The following MAZ variants were observed in gnomAD, a reference collection of about 807,000 sequenced individuals.
The protein encoded by MAZ is MYC associated zinc finger protein, also known as myc-associated zinc finger protein.
Under a neutral mutation model 32.7 loss-of-function variants are expected in MAZ, and 4 were observed. That is an observed-to-expected ratio of 0.12 (90% CI 0.06 to 0.28). MAZ has a LOEUF of 0.28. Ranked by LOEUF, MAZ falls within the 10% of genes least tolerant of loss-of-function variation. The pLI, the probability that MAZ is intolerant of heterozygous loss-of-function variation, is 1.00. For synonymous variants in MAZ, 510 were observed against 297.6 expected, an observed-to-expected ratio of 1.71 and a Z score of -7.35; for missense variants, 763 against 667.2, an observed-to-expected ratio of 1.14 and a Z score of -1.58.
chr16:29,809,364 C>T (rs1899770467), intron 4 of MAZ: 4 of 595,498 alleles, frequency 6.7e-6, no homozygotes, highest in South Asian at 2.0e-5. Flanking sequence ...GCCCCAGGCT[C>T]AGGGAGGGGC....
Position 29,811,090 on chromosome 16 carries a change from C to T in MAZ, c.*859C>T, listed in dbSNP as rs536165720. 12 of 454,180 alleles carry T rather than the reference C, an allele frequency of 2.6e-5. No individual in the cohort carries two copies. The highest frequency in any genetic ancestry group is 1.2e-4 in the Admixed American group (5 of 42,464). 28.1% of individuals were successfully genotyped at this position (454,180 alleles called of 1,614,324 possible). A position where few individuals can be genotyped will look rare whatever the true frequency, so the allele number is the denominator to read the frequency against. On this transcript the variant is annotated 3_prime_UTR_variant, in exon 5 of 5. Transcript: ENST00000322945. The stretch of plus-strand genomic sequence containing the variant: ...TGGCCATGTCATCGTGTTCCTGTGT[C>T]CCCTGCATGTACCCCACCCTCCACC...
At position 29,808,617 on chromosome 16, in the gene MAZ, A is replaced by G. The variant is rs1899699892; in HGVS notation, c.1155A>G (p.Thr385=). The G allele has an allele frequency of 6.2e-7, 1 of 1,612,942 alleles. No homozygotes were observed. Among genetic ancestry groups the G allele is most frequent in the Non-Finnish European group, 8.5e-7 (1 of 1,179,842 alleles). ...CGAAGGATCGGCTGCGGGCGCACAC[A>G]GTACGACACGAGGAGAAAGTGCCAT... ...FATKDRLRAH[T]VRHEEKVPCH... is the part of the protein sequence containing the mutation. The change falls in exon 4 of 5, where the codon ACA becomes ACG. Residue 385 remains threonine, a synonymous_variant. Coordinates refer to ENST00000322945, the MANE Select transcript of MAZ (RefSeq NM_002383.4).
chr16:29,810,540 A>G lies in MAZ; in HGVS notation c.*309A>G, dbSNP rs867586858. 4.3e-5 allele frequency: 30 copies of G among 700,860 alleles called. No individual in the cohort carries two copies. In the African/African-American group the frequency reaches 4.4e-4, roughly 10 times the overall value. The allele number at this position is 700,860 out of a possible 1,614,324, so 43.4% of individuals were successfully genotyped here. A position where few individuals can be genotyped will look rare whatever the true frequency, so the allele number is the denominator to read the frequency against. ...GCCCGTACCCCCTCTCCTCTCTGTA[A>G]GCCCATGCCCTGTCTTCCCAGGGAC... On this transcript the variant is annotated 3_prime_UTR_variant, in exon 5 of 5. Coordinates refer to ENST00000322945, the MANE Select transcript of MAZ (RefSeq NM_002383.4).
rs1206888470 is a variant in MAZ at position 29,810,294 on chromosome 16, T to C, written c.*63T>C. 2.0e-6 allele frequency: 3 copies of C among 1,480,188 alleles called. No individual in the cohort carries two copies. Among genetic ancestry groups the C allele is most frequent in the Non-Finnish European group, 2.8e-6 (3 of 1,085,192 alleles). 91.7% of individuals were successfully genotyped at this position (1,480,188 alleles called of 1,614,324 possible). A position where few individuals can be genotyped will look rare whatever the true frequency, so the allele number is the denominator to read the frequency against. ...TAGAGTCCCTTGGTACAAGCTCCTCTCCCCCCTCTTTTCCCACCAACTCCT... is the reference window on the plus strand; with the variant it reads ...TAGAGTCCCTTGGTACAAGCTCCTCCCCCCCCTCTTTTCCCACCAACTCCT... On this transcript the variant is annotated 3_prime_UTR_variant, in exon 5 of 5. Transcript: ENST00000322945.
In MAZ at chr16:29,806,804, C is replaced by A; in HGVS notation, c.103C>A (p.Gln35Lys). The A allele has an allele frequency of 7.0e-7, 1 of 1,438,648 alleles. No homozygotes were observed. Among genetic ancestry groups the A allele is most frequent in the Non-Finnish European group, 9.2e-7 (1 of 1,089,466 alleles). 89.1% of individuals were successfully genotyped at this position (1,438,648 alleles called of 1,614,324 possible). A position where few individuals can be genotyped will look rare whatever the true frequency, so the allele number is the denominator to read the frequency against. ...CCTCATGAACTCCTTCCCGCCACCT[C>A]AGGGTCACGCCCAGAACCCCCTGCA... ...GGLMNSFPPPQGHAQNPLQVG... is the reference protein window; with the variant it reads ...GGLMNSFPPPKGHAQNPLQVG... Residue 35 changes from glutamine to lysine, a missense_variant, in exon 1 of 5, where the codon CAG becomes AAG. By Grantham distance (53) the Gln-to-Lys change is moderately conservative (BLOSUM62 1). Coordinates refer to ENST00000322945, the MANE Select transcript of MAZ (RefSeq NM_002383.4).
chr16:29,808,658 A>G lies in MAZ; in HGVS notation c.1196A>G (p.Lys399Arg). The G allele has an allele frequency of 6.2e-7, 1 of 1,613,998 alleles. No individual in the cohort carries two copies. Among genetic ancestry groups the G allele is most frequent in the Non-Finnish European group, 8.5e-7 (1 of 1,180,008 alleles). ...AAAGTGCCATGTCACGTGTGTGGCA[A>G]GATGCTGAGCTCGGCTTATATTTCG... ...EEKVPCHVCGKMLSSAYISDH... is the reference protein window; with the variant it reads ...EEKVPCHVCGRMLSSAYISDH... Residue 399 changes from lysine to arginine, a missense_variant, in exon 4 of 5, where the codon AAG (lysine) becomes AGG (arginine). Transcript: ENST00000322945.
intron 4 of MAZ, chr16:29,809,464 C>T (rs926772053): frequency 8.6e-6 from 8 of 926,300 alleles, no homozygotes; most frequent in Admixed American, 2.1e-5. Flanking sequence ...GGGCATCCCC[C>T]GCCTAGGAGA....
chr16:29,809,035 G>A (rs1899741603), intron 4 of MAZ: 3 of 544,270 alleles, frequency 5.5e-6, no homozygotes, highest in Non-Finnish European at 6.4e-6. Context: ...GCCAGTTCCA[G>A]GGGTCACAAG....
rs962421983 is a variant in MAZ, at chr16:29,810,989, C to G, written c.*758C>G. On this transcript the variant is annotated 3_prime_UTR_variant, in exon 5 of 5. Coordinates refer to ENST00000322945, the MANE Select transcript of MAZ (RefSeq NM_002383.4). ...GGGGGAATGCAGCCAGTGTCCCCCT[C>G]CCCTCTTCCACCCCAGCTCCAGCCC... is the stretch of plus-strand genomic sequence containing the variant. The G allele has an allele frequency of 6.8e-6, 3 of 443,200 alleles. No homozygotes were observed. Among genetic ancestry groups the G allele is most frequent in the Non-Finnish European group, 1.4e-5 (3 of 220,252 alleles). The allele number at this position is 443,200 out of a possible 1,614,324, so 27.5% of individuals were successfully genotyped here. A position where few individuals can be genotyped will look rare whatever the true frequency, so the allele number is the denominator to read the frequency against.
Position 29,807,253 on chromosome 16 carries a change from C to CGCCGCG in MAZ, c.471_476dup (p.Ala160_Ala161dup). On this transcript the variant is annotated inframe_insertion, in exon 2 of 5. Coordinates refer to ENST00000322945, the MANE Select transcript of MAZ (RefSeq NM_002383.4). ...CGCCCCCCGCCTCCGCCGCCACTAT[C>CGCCGCG]GCCGCGGCGGCGGCCACCGCCGTCG... The CGCCGCG allele has an allele frequency of 7.0e-7, 1 of 1,432,184 alleles. No individual in the cohort carries two copies. Among genetic ancestry groups the CGCCGCG allele is most frequent in the Non-Finnish European group, 9.2e-7 (1 of 1,086,924 alleles). 88.7% of individuals were successfully genotyped at this position (1,432,184 alleles called of 1,614,324 possible).
At chr16:29,806,919 C>A (rs772133943) in intron 1 of MAZ, 26 bp downstream of exon 1, 3 of 1,248,580 alleles carry the variant, frequency 2.4e-6, no homozygotes, top group Admixed American at 4.2e-5. Context: ...CGCGGCGGCC[C>A]GGGCTGGGGG....
chr16:29,809,403 G>A (rs1001688054), intron 4 of MAZ: 1 of 651,704 alleles, frequency 1.5e-6, no homozygotes, highest in Non-Finnish European at 2.8e-6. Context: ...CAGAGCAGTT[G>A]GCCCCAGGCT....
Position 29,809,837 on chromosome 16 carries a change from G to A in MAZ, c.1280-240G>A, listed in dbSNP as rs937607663. On this transcript the variant is annotated intron_variant, in intron 4 of 4. Transcript: ENST00000322945. The stretch of plus-strand genomic sequence containing the variant: ...CAACGGGGCTCAAAGGGCCCAATAG[G>A]GGATCTCAGGAAGGCGAGGGATGCC... The A allele has an allele frequency of 5.2e-6, 5 of 968,666 alleles. No homozygotes were observed. In the African/African-American group the frequency reaches 8.2e-5, roughly 16 times the overall value. 60.0% of individuals were successfully genotyped at this position (968,666 alleles called of 1,614,324 possible). A position where few individuals can be genotyped will look rare whatever the true frequency, so the allele number is the denominator to read the frequency against.
In MAZ at chr16:29,808,582, G is replaced by C. The variant is rs940681918; in HGVS notation, c.1120G>C (p.Ala374Pro). 6.2e-7 allele frequency: 1 copy of C among 1,610,558 alleles called. No individual in the cohort carries two copies. Among genetic ancestry groups the C allele is most frequent in the African/African-American group, 1.3e-5 (1 of 74,074 alleles). Residue 374 changes from alanine (A) to proline (P), a missense_variant, in exon 4 of 5, where the codon GCT (alanine) becomes CCT (proline). By Grantham distance (27) the Ala-to-Pro change is conservative. Transcript: ENST00000322945. Reference protein sequence around the residue: ...RPFKCEKCEAAFATKDRLRAH... With the variant: ...RPFKCEKCEAPFATKDRLRAH... Reference sequence around the variant, plus strand: ...CCCCCCTCCTCAGAAATGTGAGGCAGCTTTCGCCACGAAGGATCGGCTGCG... The same window carrying C: ...CCCCCCTCCTCAGAAATGTGAGGCACCTTTCGCCACGAAGGATCGGCTGCG...
Position 29,807,334 on chromosome 16 carries a change from G to A in MAZ, c.549G>A (p.Lys183=), listed in dbSNP as rs761514289. The change falls in exon 2 of 5, where the codon AAG becomes AAA. Residue 183 remains lysine (K), a synonymous_variant. Coordinates refer to ENST00000322945, the MANE Select transcript of MAZ (RefSeq NM_002383.4). ...CGGTCGCGTCTGCCTTGGAGAAGAA[G>A]ACAAAGAGCAAGGGGCCCTACATCT... is the stretch of plus-strand genomic sequence containing the variant. ...VAPVASALEK[K]TKSKGPYICA... 1.6e-5 allele frequency: 26 copies of A among 1,610,640 alleles called. No homozygotes were observed. Among genetic ancestry groups the A allele is most frequent in the Non-Finnish European group, 2.0e-5 (24 of 1,179,080 alleles).
At position 29,808,038 on chromosome 16, in the gene MAZ, T is replaced by G. The variant is rs1899637357; in HGVS notation, c.1044-192T>G. The G allele has an allele frequency of 1.4e-5, 15 of 1,077,124 alleles. No homozygotes were observed. The East Asian group carries it at 3.9e-4, about 28-fold the overall frequency. 66.7% of individuals were successfully genotyped at this position (1,077,124 alleles called of 1,614,324 possible). ...GGTGGGCCTTGGGGTTGACGGAAGCTTCGCGTGGGAGGAGGCGGCGGCGGC... is the reference window on the plus strand; with the variant it reads ...GGTGGGCCTTGGGGTTGACGGAAGCGTCGCGTGGGAGGAGGCGGCGGCGGC... On this transcript the variant is annotated intron_variant, in intron 2 of 4. Transcript: ENST00000322945.
chr16:29,807,608 A>G lies in MAZ; in HGVS notation c.823A>G (p.Ile275Val). 2 of 1,612,364 alleles carry G rather than the reference A, an allele frequency of 1.2e-6. No individual in the cohort carries two copies. Among genetic ancestry groups the G allele is most frequent in the South Asian group, 1.1e-5 (1 of 91,066 alleles). The part of the protein sequence containing the change: ...VVTTTASGKR[I>V]RKNHACEMCG... ...GACCACGACCGCCTCGGGGAAGCGC[A>G]TCCGGAAGAACCATGCCTGCGAGAT... The change falls in exon 2 of 5, where the codon ATC (isoleucine) becomes GTC (valine). Residue 275 changes from isoleucine to valine, a missense_variant. Ile to Val is a conservative substitution (Grantham distance 29). Transcript: ENST00000322945.
chr16:29,806,965 C>G lies in MAZ; in HGVS notation c.193-13C>G, dbSNP rs762952781. 1.4e-5 allele frequency: 15 copies of G among 1,067,318 alleles called. No individual in the cohort carries two copies. The South Asian group carries it at 5.0e-4, about 36-fold the overall frequency. The allele number at this position is 1,067,318 out of a possible 1,614,324, so 66.1% of individuals were successfully genotyped here. A position where few individuals can be genotyped will look rare whatever the true frequency, so the allele number is the denominator to read the frequency against. On this transcript the variant is annotated splice_polypyrimidine_tract_variant and intron_variant, in intron 1 of 4. Coordinates refer to ENST00000322945, the MANE Select transcript of MAZ (RefSeq NM_002383.4). ...CCCGCACCCGCGGCCCACTCGGCGC[C>G]TTGTCTCCGCAGGCCGCGCCGGCGC... is the stretch of plus-strand genomic sequence containing the variant.
chr16:29,809,547 C>T, intron 4 of MAZ: 1 of 1,610,312 alleles, frequency 6.2e-7, no homozygotes, highest in Non-Finnish European at 8.5e-7. Context: ...TAGGCTTCAC[C>T]ACGGCAGCAT....
Sources: allele counts gnomAD v4.1 joint callset, GRCh38; gene constraint gnomAD v4.1.1; transcripts MANE v1.5; gene names NCBI Gene and HGNC (gene_info 2026-07-23, HGNC 2026-07-21).